Variants in ADRB3 observed in about 807,000 individuals in gnomAD.
The protein encoded by ADRB3 is adrenoceptor beta 3, also known as beta-3 adrenergic receptor.
ADRB3 carries 33 observed loss-of-function variants against 23.8 expected under a neutral mutation model. The observed-to-expected ratio is 1.38, with a 90% confidence interval of 1.05 to 1.85. The LOEUF (loss-of-function observed/expected upper bound fraction) is 1.85. Ranked by LOEUF, ADRB3 falls within the 40% of genes most tolerant of loss-of-function variation. The pLI is 0.00. For missense variants in ADRB3, 600 were observed against 579.6 expected (o/e 1.04, Z -0.36); for synonymous variants, 289 against 273.0 (o/e 1.06, Z -0.58).
At position 37,965,725 on chromosome 8, in the gene ADRB3, C is replaced by T. The variant is rs28364012; in HGVS notation, c.745G>A (p.Glu249Lys). The T allele has an allele frequency of 7.1e-6, 11 of 1,549,328 alleles. No homozygotes were observed. Among genetic ancestry groups the T allele is most frequent in the South Asian group, 3.6e-5 (3 of 83,986 alleles). ...GAGCGCGACGGCGCCGGCGGAGACT[C>T]CTCGGGCGGAAAGCGGCCCAGCTCC... Reference protein sequence around the residue: ...RGELGRFPPEESPPAPSRSLA... With the variant: ...RGELGRFPPEKSPPAPSRSLA... The change falls in exon 1 of 2, where the codon GAG (glutamate) becomes AAG (lysine). Residue 249 changes from glutamate (E) to lysine (K), a missense_variant. Glu to Lys is a moderately conservative substitution (Grantham distance 56, BLOSUM62 1). Transcript: ENST00000345060.
chr8:37,966,199 C>A lies in ADRB3; in HGVS notation c.271G>T (p.Val91Leu), dbSNP rs1159561784. The A allele has an allele frequency of 6.2e-7, 1 of 1,612,584 alleles. No individual in the cohort carries two copies. Among genetic ancestry groups the A allele is most frequent in the Non-Finnish European group, 8.5e-7 (1 of 1,179,472 alleles). Reference sequence around the variant, plus strand: ...AGCGCCAAGGTGGCCGCCGGCGGCACCACCAGGAGTCCCATCACCAGGTCG... The same window carrying A: ...AGCGCCAAGGTGGCCGCCGGCGGCAACACCAGGAGTCCCATCACCAGGTCG... Reference protein sequence around the residue: ...AADLVMGLLVVPPAATLALTG... With the variant: ...AADLVMGLLVLPPAATLALTG... The change falls in exon 1 of 2, where the codon GTG becomes TTG. Residue 91 changes from valine to leucine, a missense_variant. Val to Leu is a conservative substitution (Grantham distance 32, BLOSUM62 1). Transcript: ENST00000345060.
chr8:37,964,763 C>T (rs1808263684), intron 1 of ADRB3, among the ~76,000 whole-genome samples: 1 of 152,202 alleles, frequency 6.6e-6, no homozygotes, highest in Admixed American at 6.5e-5. Context: ...AAGACCCCAT[C>T]TCTACAAGAA....
In ADRB3 at chr8:37,965,276, T is replaced by C. The variant is rs772254805; in HGVS notation, c.1194A>G (p.Gln398=). 5 of 1,523,664 alleles carry C rather than the reference T, an allele frequency of 3.3e-6. No individual in the cohort carries two copies. In the African/African-American group the frequency reaches 4.3e-5, roughly 13 times the overall value. The allele number at this position is 1,523,664 out of a possible 1,614,324, so 94.4% of individuals were successfully genotyped here. A position where few individuals can be genotyped will look rare whatever the true frequency, so the allele number is the denominator to read the frequency against. Residue 398 remains glutamine (Q), a synonymous_variant, in exon 1 of 2, where the codon CAA becomes CAG. Coordinates refer to ENST00000345060, the MANE Select transcript of ADRB3 (RefSeq NM_000025.3). ...CCCCGGTTACCTACCCGTCGAGCCG[T>C]TGGCAAAGCCTGGGCTGCGCTGGGC... ...RSSPAQPRLC[Q]RLDGASWGVS is the part of the protein sequence containing the mutation.
chr8:37,966,518 C>T lies in ADRB3; in HGVS notation c.-49G>A. ...AGGGAAAGAAGGAAGGAGGGGGTCT[C>T]CCAAATCACCTGGCTCAGGGGAGGG... On this transcript the variant is annotated 5_prime_UTR_variant, in exon 1 of 2. Coordinates refer to ENST00000345060, the MANE Select transcript of ADRB3 (RefSeq NM_000025.3). 1.3e-6 allele frequency: 2 copies of T among 1,528,366 alleles called. No homozygotes were observed. Among genetic ancestry groups the T allele is most frequent in the Non-Finnish European group, 1.7e-6 (2 of 1,143,124 alleles). 94.7% of individuals were successfully genotyped at this position (1,528,366 alleles called of 1,614,324 possible).
rs1808289217 is a variant in ADRB3 at position 37,965,656 on chromosome 8, C to A, written c.814G>T (p.Val272Leu). The A allele has an allele frequency of 6.5e-7, 1 of 1,531,168 alleles. No homozygotes were observed. The highest frequency in any genetic ancestry group is 8.8e-7 in the Non-Finnish European group (1 of 1,139,708). The allele number at this position is 1,531,168 out of a possible 1,614,324, so 94.8% of individuals were successfully genotyped here. A position where few individuals can be genotyped will look rare whatever the true frequency, so the allele number is the denominator to read the frequency against. The change falls in exon 1 of 2, where the codon GTG becomes TTG. Residue 272 changes from valine (V) to leucine (L), a missense_variant. Val to Leu is a conservative substitution (Grantham distance 32, BLOSUM62 1). Transcript: ENST00000345060. ...GCGGGCCGCCGGCCGCAGGCGGGCACCCCTTCGGGCGGAGCGCACGTCCCC... is the reference window on the plus strand; with the variant it reads ...GCGGGCCGCCGGCCGCAGGCGGGCAACCCTTCGGGCGGAGCGCACGTCCCC... Reference protein sequence around the residue: ...PVGTCAPPEGVPACGRRPARL... With the variant: ...PVGTCAPPEGLPACGRRPARL...
Position 37,964,201 on chromosome 8 carries a change from C to T in ADRB3, c.*17G>A. ...CAGGTTCTGATCAACAGAGTTGTTG[C>T]TTCTTGTCCTTCAGGCCTAAGAAAC... is the stretch of plus-strand genomic sequence containing the variant. On this transcript the variant is annotated 3_prime_UTR_variant, in exon 2 of 2. Transcript: ENST00000345060. 6.2e-7 allele frequency: 1 copy of T among 1,612,346 alleles called. No individual in the cohort carries two copies. The highest frequency in any genetic ancestry group is 8.5e-7 in the Non-Finnish European group (1 of 1,178,508).
chr8:37,965,663 G>A lies in ADRB3; in HGVS notation c.807C>T (p.Pro269=). ...GCCGGCCGCAGGCGGGCACCCCTTCGGGCGGAGCGCACGTCCCCACCGGGG... is the reference window on the plus strand; with the variant it reads ...GCCGGCCGCAGGCGGGCACCCCTTCAGGCGGAGCGCACGTCCCCACCGGGG... The part of the protein sequence containing the change: ...APAPVGTCAP[P]EGVPACGRRP... The change falls in exon 1 of 2, where the codon CCC becomes CCT. Residue 269 remains proline (P), a synonymous_variant. Transcript: ENST00000345060. 6.5e-7 allele frequency: 1 copy of A among 1,537,658 alleles called. No individual in the cohort carries two copies.
Position 37,966,144 on chromosome 8 carries a change from C to T in ADRB3, c.326G>A (p.Gly109Asp). 6.2e-7 allele frequency: 1 copy of T among 1,610,676 alleles called. No homozygotes were observed. Residue 109 changes from glycine to aspartate, a missense_variant, in exon 1 of 2, where the codon GGC becomes GAC. Gly to Asp is a moderately conservative substitution (Grantham distance 94, BLOSUM62 -1). Transcript: ENST00000345060. ...GTCCACCGAGGTCCACAGCTCGCAGCCAGTGGCGCCCAACGGCCAGTGGCC... is the reference window on the plus strand; with the variant it reads ...GTCCACCGAGGTCCACAGCTCGCAGTCAGTGGCGCCCAACGGCCAGTGGCC... ...LTGHWPLGAT[G>D]CELWTSVDVL...
In ADRB3 at chr8:37,966,190, C is replaced by A. The variant is rs1808312747; in HGVS notation, c.280G>T (p.Ala94Ser). 1 of 1,611,762 alleles carries A rather than the reference C, an allele frequency of 6.2e-7. No homozygotes were observed. Among genetic ancestry groups the A allele is most frequent in the African/African-American group, 1.3e-5 (1 of 75,038 alleles). Reference protein sequence around the residue: ...LVMGLLVVPPAATLALTGHWP... With the variant: ...LVMGLLVVPPSATLALTGHWP... ...TGGCCAGTCAGCGCCAAGGTGGCCG[C>A]CGGCGGCACCACCAGGAGTCCCATC... is the stretch of plus-strand genomic sequence containing the variant. Residue 94 changes from alanine to serine, a missense_variant, in exon 1 of 2, where the codon GCG becomes TCG. Physicochemically the swap from Ala to Ser is moderately conservative, Grantham distance 99 (BLOSUM62 1). Coordinates refer to ENST00000345060, the MANE Select transcript of ADRB3 (RefSeq NM_000025.3).
chr8:37,963,880 A>T lies in ADRB3; in HGVS notation c.*338T>A, dbSNP rs1808246647. 3.8e-6 allele frequency: 1 copy of T among 265,580 alleles called. No homozygotes were observed. The highest frequency in any genetic ancestry group is 7.2e-6 in the Non-Finnish European group (1 of 138,842). 16.5% of individuals were successfully genotyped at this position (265,580 alleles called of 1,614,324 possible). A position where few individuals can be genotyped will look rare whatever the true frequency, so the allele number is the denominator to read the frequency against. On this transcript the variant is annotated 3_prime_UTR_variant, in exon 2 of 2. Coordinates refer to ENST00000345060, the MANE Select transcript of ADRB3 (RefSeq NM_000025.3). ...GTGGCAGAAGGAATGGAACCAGGGG[A>T]GCTCTCTTTGCCCTAAGCACTCACT...
At position 37,965,340 on chromosome 8, in the gene ADRB3, G is replaced by C. The variant is rs769941412; in HGVS notation, c.1130C>G (p.Pro377Arg). The C allele has an allele frequency of 1.4e-5, 22 of 1,543,660 alleles. No individual in the cohort carries two copies. The highest frequency in any genetic ancestry group is 2.4e-5 in the South Asian group (2 of 83,498). ...LPPEPCAAAR[P>R]ALFPSGVPAA... is the part of the protein sequence containing the mutation. ...AGGAACGCCCGAGGGGAAGAGGGCC[G>C]GGCGGGCGGCGGCGCAGGGCTCCGG... Residue 377 changes from proline to arginine, a missense_variant, in exon 1 of 2, where the codon CCG becomes CGG. Pro to Arg is a moderately radical substitution (Grantham distance 103). Coordinates refer to ENST00000345060, the MANE Select transcript of ADRB3 (RefSeq NM_000025.3).
In ADRB3 at chr8:37,965,183, T is replaced by C. The variant is rs35117024; in HGVS notation, c.1205+82A>G. 5.6e-4 allele frequency: 742 copies of C among 1,326,088 alleles called. 4 individuals carry two copies. The African/African-American group carries it at 0.01, about 18-fold the overall frequency. The allele number at this position is 1,326,088 out of a possible 1,614,324, so 82.1% of individuals were successfully genotyped here. A position where few individuals can be genotyped will look rare whatever the true frequency, so the allele number is the denominator to read the frequency against. ...GCCATCCCACCTTCTCTTAATAAAC[T>C]CCACACTCAAAAAGTTGACCCACGG... On this transcript the variant is annotated intron_variant, in intron 1 of 1. Coordinates refer to ENST00000345060, the MANE Select transcript of ADRB3 (RefSeq NM_000025.3).
In ADRB3 at chr8:37,965,659, C is replaced by T; in HGVS notation, c.811G>A (p.Gly271Arg). 6.5e-7 allele frequency: 1 copy of T among 1,538,524 alleles called. No homozygotes were observed. The highest frequency in any genetic ancestry group is 8.8e-7 in the Non-Finnish European group (1 of 1,142,382). Reference protein sequence around the residue: ...APVGTCAPPEGVPACGRRPAR... With the variant: ...APVGTCAPPERVPACGRRPAR... ...GGCCGCCGGCCGCAGGCGGGCACCC[C>T]TTCGGGCGGAGCGCACGTCCCCACC... Residue 271 changes from glycine (G) to arginine (R), a missense_variant, in exon 1 of 2, where the codon GGG (glycine) becomes AGG (arginine). Coordinates refer to ENST00000345060, the MANE Select transcript of ADRB3 (RefSeq NM_000025.3).
Position 37,966,344 on chromosome 8 carries a change from G to C in ADRB3, c.126C>G (p.Ala42=), listed in dbSNP as rs774686772. The change falls in exon 1 of 2, where the codon GCC becomes GCG. Residue 42 remains alanine (A), a synonymous_variant. Transcript: ENST00000345060. ...TGGCCAGCACCGCCAGCGCCAGCAG[G>C]GCCCCGGCTAGGGCCGCCTCCCACG... is the stretch of plus-strand genomic sequence containing the variant. ...GVPWEAALAG[A]LLALAVLATV... is the part of the protein sequence containing the mutation. The C allele has an allele frequency of 1.2e-6, 2 of 1,612,964 alleles. No homozygotes were observed. The highest frequency in any genetic ancestry group is 2.2e-5 in the South Asian group (2 of 90,974).
chr8:37,965,975 C>T lies in ADRB3; in HGVS notation c.495G>A (p.Ser165=). 2 of 1,567,140 alleles carry T rather than the reference C, an allele frequency of 1.3e-6. No individual in the cohort carries two copies. Among genetic ancestry groups the T allele is most frequent in the Non-Finnish European group, 1.7e-6 (2 of 1,155,844 alleles). The change falls in exon 1 of 2, where the codon TCG becomes TCA. Residue 165 remains serine (S), a synonymous_variant. Coordinates refer to ENST00000345060, the MANE Select transcript of ADRB3 (RefSeq NM_000025.3). ...TGATGGGCGCAAACGACACCGCGGC[C>T]GACACGACCCACACCAGGACCACAG... ...RTAVVLVWVV[S]AAVSFAPIMS... is the part of the protein sequence containing the mutation.
Position 37,965,648 on chromosome 8 carries a change from G to A in ADRB3, c.822C>T (p.Ala274=). 2 of 1,533,520 alleles carry A rather than the reference G, an allele frequency of 1.3e-6. No homozygotes were observed. The highest frequency in any genetic ancestry group is 1.8e-6 in the Non-Finnish European group (2 of 1,140,594). 95.0% of individuals were successfully genotyped at this position (1,533,520 alleles called of 1,614,324 possible). A position where few individuals can be genotyped will look rare whatever the true frequency, so the allele number is the denominator to read the frequency against. Residue 274 remains alanine, a synonymous_variant, in exon 1 of 2, where the codon GCC becomes GCT. Coordinates refer to ENST00000345060, the MANE Select transcript of ADRB3 (RefSeq NM_000025.3). ...GTCAPPEGVP[A]CGRRPARLLP... ...GGAGGCGCGCGGGCCGCCGGCCGCA[G>A]GCGGGCACCCCTTCGGGCGGAGCGC...
Position 37,965,965 on chromosome 8 carries a change from A to G in ADRB3, c.505T>C (p.Ser169Pro), listed in dbSNP as rs764367690. Reference protein sequence around the residue: ...VLVWVVSAAVSFAPIMSQWWR... With the variant: ...VLVWVVSAAVPFAPIMSQWWR... ...CACTGGCTCATGATGGGCGCAAACG[A>G]CACCGCGGCCGACACGACCCACACC... The change falls in exon 1 of 2, where the codon TCG becomes CCG. Residue 169 changes from serine to proline, a missense_variant. By Grantham distance (74) the Ser-to-Pro change is moderately conservative. Coordinates refer to ENST00000345060, the MANE Select transcript of ADRB3 (RefSeq NM_000025.3). 9.0e-6 allele frequency: 14 copies of G among 1,562,806 alleles called. No individual in the cohort carries two copies. The highest frequency in any genetic ancestry group is 8.2e-5 in the South Asian group (7 of 85,156).
In ADRB3 at chr8:37,964,230, C is replaced by T. The variant is rs749759432; in HGVS notation, c.1215G>A (p.Trp405Ter). 6.2e-7 allele frequency: 1 copy of T among 1,613,496 alleles called. No homozygotes were observed. Among genetic ancestry groups the T allele is most frequent in the Non-Finnish European group, 8.5e-7 (1 of 1,179,650 alleles). The part of the protein sequence containing the change: ...RLCQRLDGAS[W>*]GVS The stretch of plus-strand genomic sequence containing the variant: ...TTGTCCTTCAGGCCTAAGAAACTCC[C>T]CAAGAAGCCCTGGGAAAAAAAGTGG... Residue 405 changes from tryptophan (W) to a stop codon, truncating the protein, a stop_gained, in exon 2 of 2, where the codon TGG becomes TGA. Transcript: ENST00000345060. LOFTEE classifies it high-confidence loss of function.
At chr8:37,965,082 A>C (rs576815415) in intron 1 of ADRB3, 183 bp downstream of exon 1, 1 of 596,308 alleles carries the variant, frequency 1.7e-6, no homozygotes, top group Non-Finnish European at 2.7e-6. Context: ...TACCCTAGTG[A>C]CTGGATCCGG....
Sources: allele counts gnomAD v4.1 joint callset (sites outside exome capture counted in the v4.1 genomes callset), GRCh38; gene constraint gnomAD v4.1.1; transcripts MANE v1.5; gene names NCBI Gene and HGNC (gene_info 2026-07-23, HGNC 2026-07-21).